The following PRUNE1 variants were observed in gnomAD, a reference collection of about 807,000 sequenced individuals.
The protein encoded by PRUNE1 is prune exopolyphosphatase 1.
A neutral mutation model predicts 42.5 loss-of-function variants in PRUNE1; 25 were observed. That is an observed-to-expected ratio of 0.59 (90% CI 0.43 to 0.82). The LOEUF is 0.82. PRUNE1 is among the 40% of genes least tolerant of loss of function. The pLI, the probability that PRUNE1 is intolerant of heterozygous loss-of-function variation, is 0.00. For synonymous variants in PRUNE1, 203 were observed against 217.1 expected, an observed-to-expected ratio of 0.93 and a Z score of 0.57; for missense variants, 443 against 539.3, an observed-to-expected ratio of 0.82 and a Z score of 1.77.
intron 3 of PRUNE1, 149 bp downstream of exon 3, chr1:151,018,818 G>A (rs376224160): frequency 4.6e-5 from 30 of 646,266 alleles, no homozygotes; most frequent in African/African-American, 3.1e-4. Flanking sequence ...CAAGGCGGGC[G>A]GATCACCTGA....
intron 7 of PRUNE1, among the ~76,000 whole-genome samples, chr1:151,031,958 T>C (rs781196300): frequency 1.3e-5 from 2 of 152,064 alleles, no homozygotes; most frequent in African/African-American, 4.8e-5. Context: ...TAAAATACTG[T>C]GTATGGCTGG....
In PRUNE1 at chr1:151,029,040, G is replaced by A. The variant is rs957379086; in HGVS notation, c.933+96G>A. On this transcript the variant is annotated intron_variant, in intron 7 of 7. Transcript: ENST00000271620. ...GCTGTCCTATAAGGACCTCTCTTAGGTTCTTATATTAATGTACTTACATGA... is the reference window on the plus strand; with the variant it reads ...GCTGTCCTATAAGGACCTCTCTTAGATTCTTATATTAATGTACTTACATGA... 1.0e-5 allele frequency: 13 copies of A among 1,294,520 alleles called. No individual in the cohort carries two copies. The East Asian group carries it at 1.2e-4, about 12-fold the overall frequency. 80.2% of individuals were successfully genotyped at this position (1,294,520 alleles called of 1,614,324 possible).
intron 5 of PRUNE1, 121 bp downstream of exon 5, chr1:151,025,794 G>A: frequency 1.0e-6 from 1 of 1,003,702 alleles, no homozygotes; most frequent in Non-Finnish European, 1.4e-6. Context: ...AGGCTAGAGT[G>A]CAGTGGCACA....
chr1:151,024,876 C>T, intron 4 of PRUNE1, 81 bp downstream of exon 4: 1 of 1,394,920 alleles, frequency 7.2e-7, no homozygotes, highest in Non-Finnish European at 9.7e-7. Flanking sequence ...CTAGACGCTT[C>T]CAGCCTAACC....
At chr1:151,022,659 G>C (rs1296248841) in intron 3 of PRUNE1, 1 of 152,008 alleles carries the variant, frequency 6.6e-6, no homozygotes, top group Admixed American at 6.6e-5. Flanking sequence ...CTCGTGATCC[G>C]CCCGCCTTGG....
intron 6 of PRUNE1, among the ~76,000 whole-genome samples, chr1:151,027,631 G>C (rs1336598511): frequency 6.9e-6 from 1 of 143,976 alleles, no homozygotes; most frequent in Non-Finnish European, 1.5e-5. Context: ...TGCCAGGCTA[G>C]AGTACAGTGG....
chr1:151,027,391 G>A, intron 6 of PRUNE1, 64 bp downstream of exon 6: 5 of 1,169,058 alleles, frequency 4.3e-6, no homozygotes, highest in Non-Finnish European at 6.3e-6. Flanking sequence ...TTATGCATGT[G>A]GCCTTGCACC....
At chr1:151,030,188 G>A (rs996066423) in intron 7 of PRUNE1, among the ~76,000 whole-genome samples, 19 of 151,174 alleles carry the variant, frequency 1.3e-4, no homozygotes, top group African/African-American at 3.4e-4. Context: ...CTTGAACCTC[G>A]GCAAGCAGAG....
chr1:151,008,683 C>T lies in PRUNE1; in HGVS notation c.39+12C>T. On this transcript the variant is annotated intron_variant, in intron 1 of 7. Transcript: ENST00000271620. Reference sequence around the variant, plus strand: ...GAGCTGCTCTGCAGGTAACGAATCCCTGTCTGTGACTGTAAGGAATGGAGC... The same window carrying T: ...GAGCTGCTCTGCAGGTAACGAATCCTTGTCTGTGACTGTAAGGAATGGAGC... 6.2e-7 allele frequency: 1 copy of T among 1,613,842 alleles called. No homozygotes were observed.
intron 3 of PRUNE1, among the ~76,000 whole-genome samples, chr1:151,023,504 G>A (rs1674610464): frequency 6.6e-6 from 1 of 151,992 alleles, no homozygotes; most frequent in South Asian, 2.1e-4. Flanking sequence ...CGGATCACGA[G>A]GTCAGGAGTT....
At chr1:151,031,305 C>G (rs1675236174) in intron 7 of PRUNE1, among the ~76,000 whole-genome samples, 1 of 151,636 alleles carries the variant, frequency 6.6e-6, no homozygotes, top group South Asian at 2.1e-4. Context: ...ATCCTCCCAG[C>G]CTCCCAAGTA....
Position 151,017,844 on chromosome 1 carries a change from T to G in PRUNE1, c.72T>G (p.Asn24Lys). The change falls in exon 2 of 8, where the codon AAT becomes AAG. Residue 24 changes from asparagine to lysine, a missense_variant. Asn to Lys is a moderately conservative substitution (Grantham distance 94, BLOSUM62 0). Transcript: ENST00000271620. ...ESRPLHVVLGNEACDLDSTVS... is the reference protein window; with the variant it reads ...ESRPLHVVLGKEACDLDSTVS... ...GACCTCTACATGTTGTGCTGGGAAA[T>G]GAAGCCTGTGATTTGGACTCCACAG... 1.9e-6 allele frequency: 3 copies of G among 1,606,738 alleles called. No individual in the cohort carries two copies. The African/African-American group carries it at 4.0e-5, about 21-fold the overall frequency.
intron 3 of PRUNE1, among the ~76,000 whole-genome samples, chr1:151,020,219 G>A (rs868682776): frequency 8.4e-5 from 12 of 142,286 alleles, no homozygotes; most frequent in Middle Eastern, 4.0e-3. Context: ...CCACTATAGC[G>A]AGACCCTGTT....
At chr1:151,023,725 A>G (rs896830950) in intron 3 of PRUNE1, among the ~76,000 whole-genome samples, 1 of 151,950 alleles carries the variant, frequency 6.6e-6, no homozygotes, top group Admixed American at 6.6e-5. Context: ...CTTAGAAAAA[A>G]AAAAAAAAAG....
intron 1 of PRUNE1, among the ~76,000 whole-genome samples, chr1:151,010,177 C>T (rs770363755): frequency 6.6e-5 from 10 of 151,920 alleles, no homozygotes; most frequent in Admixed American, 1.3e-4. Flanking sequence ...ATCACCTCCC[C>T]GGCTCAAGTG....
intron 7 of PRUNE1, among the ~76,000 whole-genome samples, chr1:151,033,479 C>A (rs1309234353): frequency 2.0e-5 from 3 of 151,088 alleles, no homozygotes; most frequent in African/African-American, 7.3e-5. Context: ...CAAGCTCCGC[C>A]TCCTGGGTTC....
rs774924524 is a variant in PRUNE1, at chr1:151,033,823, A to T, written c.951A>T (p.Glu317Asp). ...CTCTTTAGATCTGTGAAGTCCTGGA[A>T]CGCTCCCACTCTCCACCCCTGAAGC... ...ALQTTICEVL[E>D]RSHSPPLKLT... is the part of the protein sequence containing the mutation. Residue 317 changes from glutamate (E) to aspartate (D), a missense_variant, in exon 8 of 8, where the codon GAA (glutamate) becomes GAT (aspartate). By Grantham distance (45) the Glu-to-Asp change is conservative. Coordinates refer to ENST00000271620, the MANE Select transcript of PRUNE1 (RefSeq NM_021222.3). 3 of 1,613,584 alleles carry T rather than the reference A, an allele frequency of 1.9e-6. No individual in the cohort carries two copies. In the African/African-American group the frequency reaches 4.0e-5, roughly 22 times the overall value.
At chr1:151,015,349 AC>A (rs1210325334) in intron 1 of PRUNE1, among the ~76,000 whole-genome samples, 2 of 138,804 alleles carry the variant, frequency 1.4e-5, no homozygotes, top group Non-Finnish European at 3.1e-5. Context: ...AAAAAAAAAA[AC>A]AAGGGCCGGG....
rs1675425376 is a variant in PRUNE1, at chr1:151,034,194, C to T, written c.1322C>T (p.Ser441Leu). The T allele has an allele frequency of 1.2e-6, 2 of 1,613,732 alleles. No homozygotes were observed. The highest frequency in any genetic ancestry group is 1.3e-5 in the African/African-American group (1 of 74,934). ...EAVFEKCSQI[S>L]LSQSTTASLS... ...GTCTTCGAGAAGTGCAGTCAGATCTCACTGTCACAGTCTACCACAGCCTCC... is the reference window on the plus strand; with the variant it reads ...GTCTTCGAGAAGTGCAGTCAGATCTTACTGTCACAGTCTACCACAGCCTCC... Residue 441 changes from serine (S) to leucine (L), a missense_variant, in exon 8 of 8, where the codon TCA becomes TTA. Transcript: ENST00000271620.
Sources: gnomAD v4.1 joint callset for allele counts (sites outside exome capture counted in the v4.1 genomes callset) on GRCh38, gnomAD v4.1.1 for gene constraint, MANE v1.5 for transcripts, NCBI Gene and HGNC (gene_info 2026-07-23, HGNC 2026-07-21) for gene names.